The following ZC3H12B variants were observed in gnomAD, a reference collection of about 807,000 sequenced individuals.
ZC3H12B encodes zinc finger CCCH-type containing 12B, also known as probable ribonuclease ZC3H12B.
ZC3H12B carries 7 observed loss-of-function variants against 43.9 expected under a neutral mutation model. The ratio of observed to expected loss-of-function variants is 0.16; its 90% confidence interval spans 0.09 to 0.30. ZC3H12B has a LOEUF of 0.30. Ranked by LOEUF, ZC3H12B falls within the 10% of genes least tolerant of loss-of-function variation. ZC3H12B has a pLI of 1.00. For missense variants in ZC3H12B, 475 were observed against 670.2 expected, an observed-to-expected ratio of 0.71 and a Z score of 3.22; for synonymous variants, 222 against 241.7, an observed-to-expected ratio of 0.92 and a Z score of 0.76.
At chrX:65,347,999 A>C in the ZC3H12B span, among the ~76,000 whole-genome samples, 24 of 109,289 alleles carry the variant, frequency 2.2e-4, no homozygotes, top group Non-Finnish European at 3.6e-4. Flanking sequence ...CAAAAACCAA[A>C]CACTGCGTGT....
chrX:65,125,573 T>C, the ZC3H12B span, among the ~76,000 whole-genome samples: 2 of 111,627 alleles, frequency 1.8e-5, no homozygotes, highest in African/African-American at 6.5e-5. Flanking sequence ...GCCAATTGAA[T>C]ATTAAAGTCC....
chrX:65,075,206 C>T, the ZC3H12B span, among the ~76,000 whole-genome samples: 1 of 112,547 alleles, frequency 8.9e-6, no homozygotes, highest in African/African-American at 3.2e-5. Flanking sequence ...TATTAGTTCA[C>T]ATCTCTCTTT....
At chrX:65,172,522 G>A in the ZC3H12B span, among the ~76,000 whole-genome samples, 1 of 111,746 alleles carries the variant, frequency 8.9e-6, no homozygotes, top group African/African-American at 3.2e-5. Flanking sequence ...GTCCTGTATG[G>A]TATTAAGTTT....
Position 65,490,898 on chromosome X carries a change from T to C in ZC3H12B, c.608+1489T>C, listed in dbSNP as rs775318780. On this transcript the variant is annotated intron_variant, in intron 1 of 4. Transcript: ENST00000338957. The stretch of plus-strand genomic sequence containing the variant: ...GCAGGGATCTTGCTTTGTTTTCCCA[T>C]GGTATTGGGTGCTCCCACAGAGACA... Among the ~76,000 whole-genome samples the C allele has an allele frequency of 2.7e-4, 30 of 111,053 alleles. 1 individual carries two copies. In the South Asian group the frequency reaches 0.012, roughly 44 times the overall value.
chrX:65,325,299 A>T, the ZC3H12B span, among the ~76,000 whole-genome samples: 2 of 111,696 alleles, frequency 1.8e-5, no homozygotes, highest in African/African-American at 6.5e-5. Context: ...TGAGAAAGAA[A>T]GATGTAAAAC....
the ZC3H12B span, among the ~76,000 whole-genome samples, chrX:65,260,769 A>G: frequency 8.9e-6 from 1 of 112,059 alleles, no homozygotes; most frequent in South Asian, 3.6e-4. Flanking sequence ...GGAGGTTAGT[A>G]TAATATACTG....
chrX:65,487,812 A>T (rs778134073), upstream of ZC3H12B, among the ~76,000 whole-genome samples: 93 of 112,380 alleles, frequency 8.3e-4, no homozygotes, highest in African/African-American at 2.9e-3. Context: ...TCTCCCTAGT[A>T]GATGGGGTTC....
chrX:65,205,223 A>G, the ZC3H12B span, among the ~76,000 whole-genome samples: 6 of 111,076 alleles, frequency 5.4e-5, no homozygotes, highest in Admixed American at 1.9e-4. Flanking sequence ...CTTTAACGCT[A>G]TTTTCCAGTT....
the ZC3H12B span, among the ~76,000 whole-genome samples, chrX:65,303,288 A>T: frequency 8.9e-6 from 1 of 111,941 alleles, no homozygotes; most frequent in Non-Finnish European, 1.9e-5. Flanking sequence ...ATGATAAAAT[A>T]ATCTGTACAA....
the ZC3H12B span, among the ~76,000 whole-genome samples, chrX:65,227,832 G>C: frequency 9.0e-6 from 1 of 111,272 alleles, no homozygotes; most frequent in South Asian, 3.8e-4. Context: ...GACTAAACCA[G>C]GAAGAAGTTG....
At chrX:65,079,223 C>T in the ZC3H12B span, among the ~76,000 whole-genome samples, 7 of 112,870 alleles carry the variant, frequency 6.2e-5, no homozygotes, top group South Asian at 2.5e-3. Context: ...ACTAGACAGA[C>T]GTCTAAGGTT....
chrX:65,047,172 G>A, the ZC3H12B span, among the ~76,000 whole-genome samples: 1 of 111,229 alleles, frequency 9.0e-6, no homozygotes, highest in African/African-American at 3.3e-5. Flanking sequence ...CTCAATGCAG[G>A]GTTGCCACAA....
At chrX:65,355,916 T>A in the ZC3H12B span, among the ~76,000 whole-genome samples, 1 of 111,673 alleles carries the variant, frequency 9.0e-6, no homozygotes, top group African/African-American at 3.3e-5. Context: ...GATAGCACCA[T>A]TGCACTCCAC....
the ZC3H12B span, among the ~76,000 whole-genome samples, chrX:65,130,271 G>T: frequency 1.8e-5 from 2 of 111,116 alleles, no homozygotes; most frequent in African/African-American, 6.6e-5. Context: ...CTGCTTGGGT[G>T]ATTTGACTAT....
the ZC3H12B span, among the ~76,000 whole-genome samples, chrX:65,087,022 G>A: frequency 9.1e-6 from 1 of 110,319 alleles, no homozygotes; most frequent in Non-Finnish European, 1.9e-5. Context: ...CTTGGGTTCT[G>A]ATGCTCTGGC....
the ZC3H12B span, among the ~76,000 whole-genome samples, chrX:65,128,748 C>G: frequency 8.9e-6 from 1 of 112,021 alleles, no homozygotes; most frequent in Non-Finnish European, 1.9e-5. Context: ...AGTGCATTCA[C>G]AATTACGGTT....
At chrX:65,211,742 A>G in the ZC3H12B span, among the ~76,000 whole-genome samples, 1 of 85,457 alleles carries the variant, frequency 1.2e-5, no homozygotes, top group Non-Finnish European at 2.1e-5. Flanking sequence ...TAATATATAT[A>G]TTATATAATA....
At chrX:65,068,058 A>G in the ZC3H12B span, among the ~76,000 whole-genome samples, 1 of 74,249 alleles carries the variant, frequency 1.3e-5, no homozygotes. Flanking sequence ...TTCTCTTGTT[A>G]TTGATTTCTA....
chrX:65,114,446 T>C, the ZC3H12B span, among the ~76,000 whole-genome samples: 1 of 110,517 alleles, frequency 9.0e-6, no homozygotes, highest in East Asian at 2.9e-4. Context: ...TAATAATATA[T>C]TTCATATTGA....
Sources: allele counts gnomAD v4.1 joint callset (sites outside exome capture counted in the v4.1 genomes callset), GRCh38; gene constraint gnomAD v4.1.1; transcripts MANE v1.5; gene names NCBI Gene and HGNC (gene_info 2026-07-23, HGNC 2026-07-21).